Variants in NPR3 observed in about 807,000 individuals in gnomAD.
NPR3 encodes the protein natriuretic peptide receptor 3.
In NPR3, 34 loss-of-function variants were observed where a neutral mutation model predicts 54.5. The ratio of observed to expected loss-of-function variants is 0.62; its 90% CI spans 0.47 to 0.83. The LOEUF is 0.83. Ranked by LOEUF, NPR3 falls within the 40% of genes least tolerant of loss-of-function variation. NPR3 has a pLI of 0.00. For missense variants in NPR3, 674 were observed against 720.8 expected (o/e 0.94, Z 0.74); for synonymous variants, 289 against 297.1 (o/e 0.97, Z 0.28).
At chr5:32,706,821 C>T (rs1738005999), upstream of NPR3, among the ~76,000 whole-genome samples, 1 of 152,096 alleles carries the variant, frequency 6.6e-6, no homozygotes, top group Non-Finnish European at 1.5e-5. Context: ...CATTGACATG[C>T]TTAAGTTTCC....
intron 1 of NPR3, among the ~76,000 whole-genome samples, chr5:32,721,513 T>C (rs969976699): frequency 6.6e-6 from 1 of 152,072 alleles, no homozygotes; most frequent in Admixed American, 6.6e-5. Flanking sequence ...TGTGGTAACA[T>C]GCACCTGTAG....
intron 4 of NPR3, among the ~76,000 whole-genome samples, 151 bp downstream of exon 4, chr5:32,774,994 T>C (rs1741969128): frequency 6.6e-6 from 1 of 152,184 alleles, no homozygotes; most frequent in Non-Finnish European, 1.5e-5. Context: ...GTTGTACCAA[T>C]TAAATGAGAT....
upstream of NPR3, among the ~76,000 whole-genome samples, chr5:32,706,499 G>A (rs1382818723): frequency 6.6e-6 from 1 of 152,188 alleles, no homozygotes; most frequent in Non-Finnish European, 1.5e-5. Context: ...AAGGCATTTT[G>A]CTTGTTGACT....
At chr5:32,766,274 G>A (rs1741469434) in intron 3 of NPR3, among the ~76,000 whole-genome samples, 1 of 152,200 alleles carries the variant, frequency 6.6e-6, no homozygotes, top group Non-Finnish European at 1.5e-5. Flanking sequence ...AGCATGGCAG[G>A]AAAGAGTGAG....
intron 1 of NPR3, among the ~76,000 whole-genome samples, chr5:32,721,955 G>T (rs1251571013): frequency 6.6e-6 from 1 of 152,094 alleles, no homozygotes; most frequent in African/African-American, 2.4e-5. Context: ...CTTCTAAACT[G>T]CCAGTCCCAT....
At chr5:32,700,423 T>A (rs767040569) in intron 1 of NPR3, among the ~76,000 whole-genome samples, 7 of 152,068 alleles carry the variant, frequency 4.6e-5, no homozygotes, top group Admixed American at 1.3e-4. Context: ...ATACTTTGAG[T>A]TCTAGGGTAC....
At position 32,789,340 on chromosome 5, in the gene NPR3, T is replaced by C. The variant is rs929908905; in HGVS notation, c.*2995T>C. Reference sequence around the variant, plus strand: ...AAATAAAAGCGTTCCCCAGATAACTTCAATCTGGAAAGAATTTTTTGTATA... The same window carrying C: ...AAATAAAAGCGTTCCCCAGATAACTCCAATCTGGAAAGAATTTTTTGTATA... On this transcript the variant is annotated 3_prime_UTR_variant, in exon 8 of 8. Coordinates refer to ENST00000265074, the MANE Select transcript of NPR3 (RefSeq NM_001204375.2). The C allele has an allele frequency of 6.8e-6, 3 of 442,316 alleles. No homozygotes were observed. Among genetic ancestry groups the C allele is most frequent in the Non-Finnish European group, 1.4e-5 (3 of 220,870 alleles). The allele number at this position is 442,316 out of a possible 1,614,324, so 27.4% of individuals were successfully genotyped here. A position where few individuals can be genotyped will look rare whatever the true frequency, so the allele number is the denominator to read the frequency against.
At chr5:32,753,919 T>C (rs1740702779) in intron 3 of NPR3, among the ~76,000 whole-genome samples, 1 of 152,200 alleles carries the variant, frequency 6.6e-6, no homozygotes, top group Non-Finnish European at 1.5e-5. Flanking sequence ...TGCATGAAGT[T>C]TTGCATTGCA....
At chr5:32,744,144 C>T (rs1029175968) in intron 3 of NPR3, among the ~76,000 whole-genome samples, 10 of 152,060 alleles carry the variant, frequency 6.6e-5, no homozygotes, top group Non-Finnish European at 7.4e-5. Flanking sequence ...AGGCACGTGC[C>T]GCCACGCCTG....
chr5:32,715,891 T>C (rs978587916), intron 1 of NPR3, among the ~76,000 whole-genome samples: 2 of 152,234 alleles, frequency 1.3e-5, no homozygotes, highest in Admixed American at 6.5e-5. Flanking sequence ...TTATACAGTC[T>C]GTAGAGATAG....
Position 32,697,485 on chromosome 5 carries a change from A to G in NPR3, c.100+8299A>G, listed in dbSNP as rs12658928. Among the ~76,000 whole-genome samples, 1,340 of 150,298 alleles carry G rather than the reference A, an allele frequency of 8.9e-3. 53 individuals carry two copies. Among genetic ancestry groups the G allele is most frequent in the Admixed American group, 0.061 (919 of 15,082 alleles). On this transcript the variant is annotated intron_variant, in intron 1 of 5. Coordinates refer to the NPR3 transcript ENST00000509104. ...TATGTCTTTTTCTGGTTTTGGTGTC[A>G]GGGTTAACACTGGCTGCATAGAGTG...
chr5:32,743,172 C>T (rs1049759846), intron 3 of NPR3, among the ~76,000 whole-genome samples: 2 of 152,310 alleles, frequency 1.3e-5, no homozygotes, highest in East Asian at 1.9e-4. Flanking sequence ...TCTCCTCTAT[C>T]CATCTCTTGC....
In NPR3 at chr5:32,783,958, A is replaced by T. The variant is rs558508033; in HGVS notation, c.1427-838A>T. Among the ~76,000 whole-genome samples the T allele has an allele frequency of 2.0e-5, 3 of 152,340 alleles. No homozygotes were observed. The South Asian group carries it at 6.2e-4, about 32-fold the overall frequency. ...TACAAGTTAGCTATTTATCACTTTT[A>T]TATAACTGGGATACTACTGAACTTG... On this transcript the variant is annotated intron_variant, in intron 6 of 7. Transcript: ENST00000265074.
At chr5:32,727,366 G>C (rs1403415720) in intron 2 of NPR3, among the ~76,000 whole-genome samples, 1 of 152,184 alleles carries the variant, frequency 6.6e-6, no homozygotes, top group African/African-American at 2.4e-5. Context: ...GGGCTCAAGT[G>C]ATCTGCCTGC....
At chr5:32,730,620 C>G (rs1739400429) in intron 2 of NPR3, among the ~76,000 whole-genome samples, 2 of 152,158 alleles carry the variant, frequency 1.3e-5, no homozygotes, top group Non-Finnish European at 1.5e-5. Context: ...ATGAGTTTAG[C>G]AAGGTCCCAC....
intron 2 of NPR3, among the ~76,000 whole-genome samples, chr5:32,737,958 TG>T (rs1191607800): frequency 4.6e-5 from 7 of 152,042 alleles, no homozygotes; most frequent in Non-Finnish European, 1.0e-4. Flanking sequence ...GCTTAATAAA[TG>T]TTAGCAATTT....
chr5:32,700,014 G>C (rs192271043), intron 1 of NPR3, among the ~76,000 whole-genome samples: 2 of 152,178 alleles, frequency 1.3e-5, no homozygotes, highest in East Asian at 3.9e-4. Context: ...TAAATATGTT[G>C]GGCTACTCTC....
At chr5:32,746,239 G>T (rs761879634) in intron 3 of NPR3, among the ~76,000 whole-genome samples, 5 of 152,180 alleles carry the variant, frequency 3.3e-5, no homozygotes, top group Non-Finnish European at 7.3e-5. Flanking sequence ...TCGTTAGGTG[G>T]ATGTTTTCTT....
Position 32,712,289 on chromosome 5 carries a change from C to T in NPR3, c.513C>T (p.Tyr171=), listed in dbSNP as rs748882599. ...GCTTCCAGCACAAGGACTCTGAGTA[C>T]TCGCACCTCACGCGCGTGGCGCCCG... ...AAGFQHKDSE[Y]SHLTRVAPAY... The change falls in exon 1 of 8, where the codon TAC becomes TAT. Residue 171 remains tyrosine, a synonymous_variant. Transcript: ENST00000265074. 5.0e-6 allele frequency: 8 copies of T among 1,613,222 alleles called. No homozygotes were observed. In the Admixed American group the frequency reaches 1.0e-4, roughly 20 times the overall value.
Sources: allele counts gnomAD v4.1 joint callset (sites outside exome capture counted in the v4.1 genomes callset), GRCh38; gene constraint gnomAD v4.1.1; transcripts MANE v1.5; gene names NCBI Gene and HGNC (gene_info 2026-07-23, HGNC 2026-07-21).